The following PAX9 variants were observed in gnomAD, a reference collection of about 807,000 sequenced individuals.
PAX9 encodes paired box 9, also known as paired box protein Pax-9.
Under a neutral mutation model 29.1 loss-of-function variants are expected in PAX9, and 6 were observed. That is an observed-to-expected ratio of 0.21 (90% confidence interval 0.11 to 0.41). PAX9 has a LOEUF of 0.41. PAX9 is among the 10% of genes least tolerant of loss of function. The pLI is 1.00. For synonymous variants in PAX9, 217 were observed against 211.7 expected (o/e 1.03, Z -0.22); for missense variants, 443 against 479.1 (o/e 0.92, Z 0.70).
rs1881902090 is a variant in PAX9 at position 36,676,568 on chromosome 14, G to A, written c.*116G>A. 1.6e-6 allele frequency: 2 copies of A among 1,230,326 alleles called. No homozygotes were observed. The highest frequency in any genetic ancestry group is 2.3e-6 in the Non-Finnish European group (2 of 865,450). The allele number at this position is 1,230,326 out of a possible 1,614,324, so 76.2% of individuals were successfully genotyped here. On this transcript the variant is annotated 3_prime_UTR_variant, in exon 4 of 4. Transcript: ENST00000361487. ...GCCCTCCAACCCTTCTGCCTTGAAA[G>A]CTGGCTGTACGGACTCACATCCTTT...
At chr14:36,662,165 A>C in intron 1 of PAX9, 72 bp downstream of exon 1, 2 of 185,428 alleles carry the variant, frequency 1.1e-5, no homozygotes. Flanking sequence ...GGAGGGAGGG[A>C]GGGAGGGAGC....
intron 3 of PAX9, among the ~76,000 whole-genome samples, chr14:36,669,701 TTCC>T (rs1881637823): frequency 6.6e-6 from 1 of 152,152 alleles, no homozygotes; most frequent in East Asian, 1.9e-4. Flanking sequence ...GATGTCCTGA[TTCC>T]TAGTAATTAA....
At chr14:36,665,167 G>GGA (rs747367037) in intron 2 of PAX9, among the ~76,000 whole-genome samples, 2 of 87,820 alleles carry the variant, frequency 2.3e-5, no homozygotes, top group South Asian at 4.7e-4. Context: ...GAGACATAGT[G>GGA]AAAAAAAAAA....
At chr14:36,657,718 C>T (rs1310290730), upstream of PAX9, 1 of 152,226 alleles carries the variant, frequency 6.6e-6, no homozygotes, top group Non-Finnish European at 1.5e-5. Context: ...CAACCCGCTG[C>T]CATTCTAGCT....
chr14:36,672,939 C>G (rs1018446877), intron 3 of PAX9, among the ~76,000 whole-genome samples: 1 of 128,534 alleles, frequency 7.8e-6, no homozygotes, highest in Non-Finnish European at 1.6e-5. Flanking sequence ...GATCTCGGCT[C>G]ACTGCAACTT....
chr14:36,657,652 C>T (rs1163461662), upstream of PAX9: 1 of 138,716 alleles, frequency 7.2e-6, no homozygotes, highest in Non-Finnish European at 1.6e-5. Context: ...GGGCTCCGGT[C>T]GTGTCGCTGT....
rs1881902751 is a variant in PAX9 at position 36,676,584 on chromosome 14, C to T, written c.*132C>T. On this transcript the variant is annotated 3_prime_UTR_variant, in exon 4 of 4. Coordinates refer to ENST00000361487, the MANE Select transcript of PAX9 (RefSeq NM_001372076.1). Reference sequence around the variant, plus strand: ...GCCTTGAAAGCTGGCTGTACGGACTCACATCCTTTGTGCTAATGACACTTA... The same window carrying T: ...GCCTTGAAAGCTGGCTGTACGGACTTACATCCTTTGTGCTAATGACACTTA... 9.8e-7 allele frequency: 1 copy of T among 1,019,894 alleles called. No individual in the cohort carries two copies. Among genetic ancestry groups the T allele is most frequent in the African/African-American group, 1.6e-5 (1 of 63,394 alleles). 63.2% of individuals were successfully genotyped at this position (1,019,894 alleles called of 1,614,324 possible).
At chr14:36,675,942 A>C (rs980871428) in intron 3 of PAX9, among the ~76,000 whole-genome samples, 1 of 152,174 alleles carries the variant, frequency 6.6e-6, no homozygotes, top group African/African-American at 2.4e-5. Context: ...GCACAAGCAA[A>C]TACTACGAAT....
Position 36,666,565 on chromosome 14 carries a change from G to A in PAX9, c.735G>A (p.Glu245=), listed in dbSNP as rs1881500562. 1 of 1,577,742 alleles carries A rather than the reference G, an allele frequency of 6.3e-7. No homozygotes were observed. Among genetic ancestry groups the A allele is most frequent in the Non-Finnish European group, 8.6e-7 (1 of 1,161,672 alleles). The part of the protein sequence containing the change: ...AAAPHAVNGL[E]KGALEQEAKY... ...CCCCGCACGCGGTGAACGGGTTGGA[G>A]AAGGGAGCCCTGGAGCAGGAAGCCA... The change falls in exon 3 of 4, where the codon GAG becomes GAA. Residue 245 remains glutamate (E), a synonymous_variant. Coordinates refer to ENST00000361487, the MANE Select transcript of PAX9 (RefSeq NM_001372076.1).
chr14:36,664,568 G>GGTT (rs1161471989), intron 2 of PAX9, among the ~76,000 whole-genome samples: 1 of 141,990 alleles, frequency 7.0e-6, no homozygotes, highest in Non-Finnish European at 1.5e-5. Flanking sequence ...CTTTTACTGA[G>GGTT]TTTTTTTTTT....
At chr14:36,662,782 T>C in intron 1 of PAX9, 115 bp from the exon 2 acceptor site, 1 of 1,270,330 alleles carries the variant, frequency 7.9e-7, no homozygotes, top group Non-Finnish European at 1.1e-6. Context: ...GCCCCAGTAG[T>C]TAGTAGGGGA....
Position 36,676,411 on chromosome 14 carries a change from G to A in PAX9, c.985G>A (p.Ala329Thr), listed in dbSNP as rs771904928. The A allele has an allele frequency of 2.5e-6, 4 of 1,613,930 alleles. No homozygotes were observed. Among genetic ancestry groups the A allele is most frequent in the East Asian group, 2.2e-5 (1 of 44,872 alleles). The change falls in exon 4 of 4, where the codon GCC becomes ACC. Residue 329 changes from alanine (A) to threonine (T), a missense_variant. Around this residue, in one of 2 missense-constraint regions of PAX9, gnomAD observed 336 missense variants for 317.2 expected, o/e 1.06. Transcript: ENST00000361487. ...ASLAFKGMQA[A>T]REGSHSVTAS... ...GCTGGCGTTCAAGGGAATGCAGGCA[G>A]CCAGAGAAGGTAGTCATTCTGTCAC... is the stretch of plus-strand genomic sequence containing the variant.
intron 1 of PAX9, chr14:36,662,640 A>G: frequency 1.8e-6 from 1 of 550,320 alleles, no homozygotes; most frequent in Non-Finnish European, 3.2e-6. Flanking sequence ...ACGCTCGGAG[A>G]GGCCCGGCAT....
At position 36,666,539 on chromosome 14, in the gene PAX9, G is replaced by A; in HGVS notation, c.709G>A (p.Ala237Thr). ...SLGRNNFPAAAPHAVNGLEKG... is the reference protein window; with the variant it reads ...SLGRNNFPAATPHAVNGLEKG... ...GGGCCGCAACAACTTCCCCGCCGCC[G>A]CCCCGCACGCGGTGAACGGGTTGGA... The change falls in exon 3 of 4, where the codon GCC becomes ACC. Residue 237 changes from alanine to threonine, a missense_variant. Around this residue, in one of 2 missense-constraint regions of PAX9, gnomAD observed 336 missense variants for 317.2 expected, o/e 1.06. Coordinates refer to ENST00000361487, the MANE Select transcript of PAX9 (RefSeq NM_001372076.1). The A allele has an allele frequency of 4.4e-6, 7 of 1,593,096 alleles. No individual in the cohort carries two copies. Among genetic ancestry groups the A allele is most frequent in the Non-Finnish European group, 6.0e-6 (7 of 1,170,002 alleles).
intron 1 of PAX9, 120 bp downstream of exon 1, chr14:36,662,213 T>G: frequency 8.7e-7 from 1 of 1,153,488 alleles, no homozygotes; most frequent in Non-Finnish European, 1.2e-6. Context: ...CATTCTCTAT[T>G]GACTTTGCTC....
At chr14:36,668,794 TAAA>T (rs1881602391) in intron 3 of PAX9, among the ~76,000 whole-genome samples, 1 of 152,128 alleles carries the variant, frequency 6.6e-6, no homozygotes, top group Non-Finnish European at 1.5e-5. Context: ...TTATTTAAAA[TAAA>T]AAATTTGAAG....
intron 3 of PAX9, among the ~76,000 whole-genome samples, chr14:36,673,485 T>C (rs1167758684): frequency 6.6e-6 from 1 of 152,150 alleles, no homozygotes; most frequent in Non-Finnish European, 1.5e-5. Context: ...AGGAACATTA[T>C]CTAAGATAAA....
At chr14:36,668,492 G>C (rs1041244202) in intron 3 of PAX9, among the ~76,000 whole-genome samples, 2 of 152,110 alleles carry the variant, frequency 1.3e-5, no homozygotes, top group South Asian at 2.1e-4. Context: ...GGGTTCAAGC[G>C]GTTCTCCTGC....
chr14:36,678,809 C>T lies in PAX9; in HGVS notation c.*2357C>T, dbSNP rs1882038978. On this transcript the variant is annotated 3_prime_UTR_variant, in exon 4 of 4. Transcript: ENST00000361487. ...ATGGTATTGAAGTTTCCTTTTCTCC[C>T]TCTAGGTCTTAACAGTGAATTCACA... 4.0e-6 allele frequency: 4 copies of T among 1,009,592 alleles called. No homozygotes were observed. The South Asian group carries it at 1.9e-4, about 47-fold the overall frequency. The allele number at this position is 1,009,592 out of a possible 1,614,324, so 62.5% of individuals were successfully genotyped here.
Sources: allele counts gnomAD v4.1 joint callset (sites outside exome capture counted in the v4.1 genomes callset), GRCh38; gene constraint gnomAD v4.1.1; regional missense constraint gnomAD v4.1.1; transcripts MANE v1.5; gene names NCBI Gene and HGNC (gene_info 2026-07-23, HGNC 2026-07-21).